Variants in PARP10 observed in about 807,000 individuals in gnomAD.
The protein encoded by PARP10 is poly(ADP-ribose) polymerase family member 10.
PARP10 carries 56 observed loss-of-function variants against 82.4 expected under a neutral mutation model. The observed-to-expected ratio is 0.68, with a 90% CI of 0.55 to 0.85. The LOEUF (loss-of-function observed/expected upper bound fraction) is 0.85, where lower values mean the gene tolerates loss of function less well. Ranked by LOEUF, PARP10 falls within the 40% of genes least tolerant of loss-of-function variation. The pLI, the probability that PARP10 is intolerant of heterozygous loss-of-function variation, is 0.00. For missense variants in PARP10, 1,227 were observed against 1,379.4 expected, an observed-to-expected ratio of 0.89 and a Z score of 1.75; for synonymous variants, 576 against 601.1, an observed-to-expected ratio of 0.96 and a Z score of 0.61.
At chr8:143,986,001 T>G (rs782640678) in intron 2 of PARP10, 26 bp from the exon 3 acceptor site, 33 of 1,600,692 alleles carry the variant, frequency 2.1e-5, no homozygotes, top group Non-Finnish European at 2.6e-5. Context: ...GGGCAGGATG[T>G]CAGGCATTAG....
In PARP10 at chr8:143,985,993, G is replaced by A. The variant is rs1223597073; in HGVS notation, c.182-18C>T. The A allele has an allele frequency of 1.9e-6, 3 of 1,598,082 alleles. No homozygotes were observed. Among genetic ancestry groups the A allele is most frequent in the Non-Finnish European group, 2.6e-6 (3 of 1,168,526 alleles). Reference sequence around the variant, plus strand: ...CTCGGCGTCTGTGGGCAGGGGCGGGGCAGGATGTCAGGCATTAGAATATCA... The same window carrying A: ...CTCGGCGTCTGTGGGCAGGGGCGGGACAGGATGTCAGGCATTAGAATATCA... On this transcript the variant is annotated intron_variant, in intron 2 of 10. Coordinates refer to ENST00000313028, the MANE Select transcript of PARP10 (RefSeq NM_032789.5).
At chr8:144,003,872 A>G (rs1424553898) in intron 1 of PARP10, among the ~76,000 whole-genome samples, 1 of 151,974 alleles carries the variant, frequency 6.6e-6, no homozygotes, top group Non-Finnish European at 1.5e-5. Context: ...CAAAAAAAAA[A>G]AAATTTTTTT....
intron 6 of PARP10, 50 bp downstream of exon 6, chr8:143,984,160 G>A: frequency 1.3e-6 from 2 of 1,584,740 alleles, no homozygotes; most frequent in Non-Finnish European, 8.6e-7. Context: ...GAGGAGGCCT[G>A]GGGCAGAGGC....
upstream of PARP10, among the ~76,000 whole-genome samples, chr8:143,987,384 G>A (rs1343973806): frequency 1.3e-5 from 2 of 152,124 alleles, no homozygotes; most frequent in Admixed American, 1.3e-4. Context: ...TGAGGACCCT[G>A]GCCAGCCTGC....
upstream of PARP10, chr8:143,989,786 C>T (rs782404798): frequency 5.3e-5 from 8 of 152,200 alleles, no homozygotes; most frequent in Non-Finnish European, 1.0e-4. The surrounding 1 kb of genome is among the most constrained non-coding windows in gnomAD (Gnocchi z 4.3). Flanking sequence ...GACGGTCAGT[C>T]CCGGGCAGCT....
At chr8:143,982,372 G>A (rs1833883861) in intron 9 of PARP10, among the ~76,000 whole-genome samples, 4 of 152,174 alleles carry the variant, frequency 2.6e-5, no homozygotes. Context: ...TACTTGGGAG[G>A]CTGAGGCAGG....
At chr8:143,996,969 G>C (rs965137174) in intron 1 of PARP10, among the ~76,000 whole-genome samples, 1 of 152,130 alleles carries the variant, frequency 6.6e-6, no homozygotes, top group African/African-American at 2.4e-5. Flanking sequence ...GGGAGACCCA[G>C]ACTTGGGGGC....
intron 1 of PARP10, among the ~76,000 whole-genome samples, chr8:144,004,136 G>C (rs1554751902): frequency 6.6e-6 from 1 of 151,648 alleles, no homozygotes; most frequent in East Asian, 1.9e-4. Context: ...AATATAATGA[G>C]ACCCTATCTC....
upstream of PARP10, chr8:143,991,475 C>T (rs1587467335): frequency 4.6e-6 from 7 of 1,512,438 alleles, no homozygotes; most frequent in Non-Finnish European, 6.2e-6. Context: ...AGGGCCCCTA[C>T]CCACAAGAGG....
intron 1 of PARP10, among the ~76,000 whole-genome samples, chr8:144,005,050 G>A (rs1278012489): frequency 6.6e-6 from 1 of 151,788 alleles, no homozygotes; most frequent in Non-Finnish European, 1.5e-5. Context: ...GTGGTGGTGG[G>A]CGCCTGTAAT....
intron 9 of PARP10, among the ~76,000 whole-genome samples, chr8:143,982,599 A>C (rs1234733152): frequency 6.6e-6 from 1 of 152,240 alleles, no homozygotes; most frequent in African/African-American, 2.4e-5. Context: ...GTAATCCTCA[A>C]AATGACCACA....
chr8:143,994,057 G>A (rs1174432041), upstream of PARP10, among the ~76,000 whole-genome samples: 1 of 152,172 alleles, frequency 6.6e-6, no homozygotes, highest in Non-Finnish European at 1.5e-5. Context: ...GCTGGTCTGA[G>A]CCCTGCTGAG....
chr8:143,996,602 C>A (rs370539866), intron 1 of PARP10, among the ~76,000 whole-genome samples: 1 of 152,214 alleles, frequency 6.6e-6, no homozygotes, highest in Non-Finnish European at 1.5e-5. Context: ...CCTGGCACAC[C>A]ACAGGCGTCA....
intron 1 of PARP10, among the ~76,000 whole-genome samples, chr8:144,006,755 T>A (rs1453673668): frequency 6.6e-6 from 1 of 152,222 alleles, no homozygotes; most frequent in Non-Finnish European, 1.5e-5. Context: ...CTCCACCATG[T>A]GAGGACACGA....
upstream of PARP10, chr8:143,991,237 A>G: frequency 6.3e-7 from 1 of 1,578,526 alleles, no homozygotes; most frequent in Non-Finnish European, 8.6e-7. Flanking sequence ...TCCCATGAAA[A>G]GAGTTTTTTG....
At chr8:144,003,623 T>C (rs1834217099) in intron 1 of PARP10, among the ~76,000 whole-genome samples, 1 of 152,062 alleles carries the variant, frequency 6.6e-6, no homozygotes, top group Non-Finnish European at 1.5e-5. Flanking sequence ...GGCAAAGCAG[T>C]GGCATCTCCC....
At chr8:143,981,365 TGACGACAG>T (rs1833852637) in intron 9 of PARP10, among the ~76,000 whole-genome samples, 2 of 115,194 alleles carry the variant, frequency 1.7e-5, no homozygotes, top group Non-Finnish European at 3.8e-5. Context: ...ATGATGGTGG[TGACGACAG>T]TGAGTGGTGA....
In PARP10 at chr8:143,977,158, T is replaced by C; in HGVS notation, c.*326A>G. On this transcript the variant is annotated 3_prime_UTR_variant, in exon 11 of 11. Transcript: ENST00000313028. ...CCCCAAACAGAGGTCGCAGTCAGAG[T>C]TCCCGGGTCCCTTCCGCCTGGGTTC... 3.2e-6 allele frequency: 1 copy of C among 315,216 alleles called. No homozygotes were observed. Among genetic ancestry groups the C allele is most frequent in the Non-Finnish European group, 5.9e-6 (1 of 170,852 alleles). The allele number at this position is 315,216 out of a possible 1,614,324, so 19.5% of individuals were successfully genotyped here.
At position 143,984,710 on chromosome 8, in the gene PARP10, C is replaced by A. The variant is rs868960622; in HGVS notation, c.1292G>T (p.Ser431Ile). 2 of 1,613,740 alleles carry A rather than the reference C, an allele frequency of 1.2e-6. No individual in the cohort carries two copies. The highest frequency in any genetic ancestry group is 1.3e-5 in the African/African-American group (1 of 74,904). The part of the protein sequence containing the change: ...MGSLEKAGPV[S>I]PGCVKLAGQE... ...CCCTGCCAGCTTCACACATCCTGGG[C>A]TCACAGGCCCTGCCTTCTCCAGAGA... The change falls in exon 5 of 11, where the codon AGC (serine) becomes ATC (isoleucine). Residue 431 changes from serine to isoleucine, a missense_variant. Ser to Ile is a moderately radical substitution (Grantham distance 142, BLOSUM62 -2). Coordinates refer to ENST00000313028, the MANE Select transcript of PARP10 (RefSeq NM_032789.5).
Sources: gnomAD v4.1 joint callset for allele counts (sites outside exome capture counted in the v4.1 genomes callset) on GRCh38, gnomAD v4.1.1 for gene constraint, Gnocchi (gnomAD v3.1) non-coding constraint, MANE v1.5 for transcripts, NCBI Gene and HGNC (gene_info 2026-07-23, HGNC 2026-07-21) for gene names.